Variants in PKN2 observed in about 807,000 individuals in gnomAD.
PKN2 encodes serine/threonine-protein kinase N2.
PKN2 carries 38 observed loss-of-function variants against 119.1 expected under a neutral mutation model. The observed-to-expected ratio is 0.32, with a 90% CI of 0.25 to 0.42. The LOEUF (loss-of-function observed/expected upper bound fraction) is 0.42. Among genes scored for constraint, PKN2 ranks in the 10% least tolerant of loss-of-function variants. The pLI, the probability that PKN2 is intolerant of heterozygous loss-of-function variation, is 1.00. For missense variants in PKN2, 850 were observed against 1,165.1 expected (o/e 0.73, Z 3.94); for synonymous variants, 390 against 384.9 (o/e 1.01, Z -0.15).
intron 2 of PKN2, among the ~76,000 whole-genome samples, chr1:88,758,976 A>G (rs190082621): frequency 1.4e-4 from 22 of 152,288 alleles, no homozygotes; most frequent in Non-Finnish European, 2.8e-4. Context: ...GTCTTCCACA[A>G]TGGTTGAACT....
rs75120009 is a variant in PKN2 at position 88,774,133 on chromosome 1, G to A, written c.985+2254G>A. Among the ~76,000 whole-genome samples the A allele has an allele frequency of 4.3e-3, 647 of 152,176 alleles. 2 individuals carry two copies. The highest frequency in any genetic ancestry group is 0.015 in the African/African-American group (609 of 41,528). Reference sequence around the variant, plus strand: ...AGCGAAAAGAAAATAAACATAAAGGGGGAGATCTGAGAGGATCTCAAACAC... The same window carrying A: ...AGCGAAAAGAAAATAAACATAAAGGAGGAGATCTGAGAGGATCTCAAACAC... On this transcript the variant is annotated intron_variant, in intron 6 of 21. Transcript: ENST00000370521.
rs1672849809 is a variant in PKN2 at position 88,834,201 on chromosome 1, C to T, written c.*753C>T. 1 of 151,882 alleles carries T rather than the reference C, an allele frequency of 6.6e-6. No individual in the cohort carries two copies. Among genetic ancestry groups the T allele is most frequent in the South Asian group, 2.1e-4 (1 of 4,830 alleles). The allele number at this position is 151,882 out of a possible 1,614,324, so 9.4% of individuals were successfully genotyped here. On this transcript the variant is annotated 3_prime_UTR_variant, in exon 22 of 22. Coordinates refer to ENST00000370521, the MANE Select transcript of PKN2 (RefSeq NM_006256.4). ...TTAAGAATGAGGACTTTTAATCAGC[C>T]GAACCAAGATATTGTTACCTGTATG...
At chr1:88,781,892 G>A (rs1381832293) in intron 6 of PKN2, among the ~76,000 whole-genome samples, 1 of 152,040 alleles carries the variant, frequency 6.6e-6, no homozygotes, top group Non-Finnish European at 1.5e-5. Flanking sequence ...TATAATTAAT[G>A]TGTTATCACT....
intron 6 of PKN2, among the ~76,000 whole-genome samples, chr1:88,773,505 C>A (rs1264352847): frequency 1.3e-5 from 2 of 152,190 alleles, no homozygotes; most frequent in African/African-American, 2.4e-5. Context: ...CCATGATGGC[C>A]ACACTGGTTT....
intron 1 of PKN2, among the ~76,000 whole-genome samples, chr1:88,724,882 G>GTTTTTTTTT (rs60507382): frequency 2.8e-5 from 3 of 105,990 alleles, no homozygotes; most frequent in East Asian, 2.5e-4. Flanking sequence ...CCACCCCTTG[G>GTTTTTTTTT]TTTTTTTTTT....
Position 88,741,139 on chromosome 1 carries a change from A to T in PKN2, c.200A>T (p.Glu67Val). 1 of 1,613,038 alleles carries T rather than the reference A, an allele frequency of 6.2e-7. No individual in the cohort carries two copies. The highest frequency in any genetic ancestry group is 2.2e-5 in the East Asian group (1 of 44,792). Residue 67 changes from glutamate to valine, a missense_variant, in exon 2 of 22, where the codon GAA becomes GTA. Physicochemically the swap from Glu to Val is moderately radical, Grantham distance 121. This residue lies in a region of PKN2 where 350 missense variants were observed against 511.1 expected (regional missense o/e 0.68). Coordinates refer to ENST00000370521, the MANE Select transcript of PKN2 (RefSeq NM_006256.4). ...RKELKIKEGAENLRKVTTDKK... is the reference protein window; with the variant it reads ...RKELKIKEGAVNLRKVTTDKK... ...GAACTGAAAATCAAAGAAGGAGCTGAAAATCTGAGGAAAGTCACAACAGAT... is the reference window on the plus strand; with the variant it reads ...GAACTGAAAATCAAAGAAGGAGCTGTAAATCTGAGGAAAGTCACAACAGAT...
intron 4 of PKN2, among the ~76,000 whole-genome samples, 182 bp from the exon 5 acceptor site, chr1:88,771,239 A>C (rs1260155786): frequency 2.0e-5 from 3 of 152,174 alleles, no homozygotes; most frequent in African/African-American, 7.2e-5. Context: ...TTAGATGTGT[A>C]ATGACAAAAA....
intron 1 of PKN2, among the ~76,000 whole-genome samples, chr1:88,719,257 T>C (rs139333741): frequency 6.6e-6 from 1 of 152,364 alleles, no homozygotes; most frequent in Admixed American, 6.5e-5. Context: ...CAAATATCTT[T>C]TATTTATCTT....
rs147850770 is a variant in PKN2 at position 88,785,570 on chromosome 1, A to G, written c.1172-534A>G. 1.2e-4 allele frequency among the ~76,000 whole-genome samples: 18 copies of G among 152,286 alleles called. No individual in the cohort carries two copies. In the East Asian group the frequency reaches 3.5e-3, roughly 29 times the overall value. ...TAGGGGTTGGTTTGAGGAGAGTAAA[A>G]TGCAAGAGGTTTGGAAAGCACTGGG... On this transcript the variant is annotated intron_variant, in intron 7 of 21. Transcript: ENST00000370521.
Position 88,833,666 on chromosome 1 carries a change from T to C in PKN2, c.*218T>C, listed in dbSNP as rs779062821. The C allele has an allele frequency of 9.9e-6, 5 of 503,046 alleles. No homozygotes were observed. The highest frequency in any genetic ancestry group is 1.8e-5 in the Non-Finnish European group (5 of 284,926). The allele number at this position is 503,046 out of a possible 1,614,324, so 31.2% of individuals were successfully genotyped here. On this transcript the variant is annotated 3_prime_UTR_variant, in exon 22 of 22. Coordinates refer to ENST00000370521, the MANE Select transcript of PKN2 (RefSeq NM_006256.4). ...GTAAATATGAGCACTGGAAACAGTT[T>C]CATGGAGTTTAAGTTGAGTGAACAT...
intron 1 of PKN2, among the ~76,000 whole-genome samples, chr1:88,726,340 T>G (rs1667897825): frequency 6.6e-6 from 1 of 152,168 alleles, no homozygotes. Flanking sequence ...TTTGTCAAGT[T>G]GAAGTTCTTT....
chr1:88,758,829 A>G (rs1310865513), intron 2 of PKN2, among the ~76,000 whole-genome samples: 1 of 152,090 alleles, frequency 6.6e-6, no homozygotes, highest in South Asian at 2.1e-4. Context: ...GCTATTGTGA[A>G]TAGTACTACA....
intron 1 of PKN2, among the ~76,000 whole-genome samples, chr1:88,689,255 T>C (rs1291762369): frequency 6.6e-6 from 1 of 152,212 alleles, no homozygotes; most frequent in African/African-American, 2.4e-5. Context: ...AAGTTGCTCA[T>C]AGTTCTGTCA....
chr1:88,746,394 A>G (rs72724720), intron 2 of PKN2, among the ~76,000 whole-genome samples: 2,786 of 152,250 alleles, frequency 0.018, 47 homozygotes, highest in Non-Finnish European at 0.019. Context: ...TAAGGAACTC[A>G]AACTACTGAA....
chr1:88,818,345 G>A (rs1428704377), intron 16 of PKN2, among the ~76,000 whole-genome samples: 1 of 152,120 alleles, frequency 6.6e-6, no homozygotes, highest in Admixed American at 6.5e-5. Context: ...TTTCTTCACA[G>A]AATTAGAAAA....
At chr1:88,745,985 A>G (rs919807405) in intron 2 of PKN2, among the ~76,000 whole-genome samples, 3 of 152,174 alleles carry the variant, frequency 2.0e-5, no homozygotes, top group African/African-American at 7.2e-5. Context: ...GGGACTGGAC[A>G]GTCTTCAATA....
intron 6 of PKN2, among the ~76,000 whole-genome samples, chr1:88,773,794 G>C (rs754445568): frequency 1.8e-4 from 27 of 152,088 alleles, no homozygotes; most frequent in Non-Finnish European, 3.4e-4. Context: ...AAGAAAGAAA[G>C]AGAGAGAAAC....
intron 1 of PKN2, among the ~76,000 whole-genome samples, chr1:88,735,600 CCA>C (rs1461660389): frequency 0.033 from 460 of 14,036 alleles, no homozygotes; most frequent in African/African-American, 0.062. Flanking sequence ...GGTTGACAGC[CCA>C]CCCCCCCCCC....
chr1:88,763,320 C>T (rs1241926940), intron 3 of PKN2, among the ~76,000 whole-genome samples: 7 of 152,150 alleles, frequency 4.6e-5, no homozygotes, highest in Non-Finnish European at 8.8e-5. Context: ...AAGTTCACAT[C>T]CATCCGGCCA....
Sources: gnomAD v4.1 joint callset for allele counts (sites outside exome capture counted in the v4.1 genomes callset) on GRCh38, gnomAD v4.1.1 for gene constraint, gnomAD v4.1.1 regional missense constraint, MANE v1.5 for transcripts, NCBI Gene and HGNC (gene_info 2026-07-23, HGNC 2026-07-21) for gene names.